ZNF860: variants seen among roughly 807,000 people sequenced by gnomAD.
The protein encoded by ZNF860 is zinc finger protein 860.
For synonymous variants in ZNF860, 206 were observed against 248.9 expected, an observed-to-expected ratio of 0.83 and a Z score of 1.62; for missense variants, 641 against 759.2, an observed-to-expected ratio of 0.84 and a Z score of 1.83.
chr3:32,001,672 C>A, the ZNF860 span, among the ~76,000 whole-genome samples: 1 of 152,016 alleles, frequency 6.6e-6, no homozygotes, highest in African/African-American at 2.4e-5. Context: ...AACTTAATTT[C>A]TACTGTTAGT....
At chr3:31,983,624 C>T (rs1387693958) in intron 1 of ZNF860, among the ~76,000 whole-genome samples, 1 of 152,182 alleles carries the variant, frequency 6.6e-6, no homozygotes, top group African/African-American at 2.4e-5. Flanking sequence ...TGATGAAGCA[C>T]ATGCTGTTCC....
the ZNF860 span, among the ~76,000 whole-genome samples, chr3:31,998,335 T>C: frequency 2.6e-5 from 4 of 152,190 alleles, no homozygotes; most frequent in Non-Finnish European, 4.4e-5. Flanking sequence ...CACTGGCGAC[T>C]CACCCTTTGA....
rs1417902996 is a variant in ZNF860, at chr3:31,991,021, A to T, written c.*43A>T. 1 of 1,507,950 alleles carries T rather than the reference A, an allele frequency of 6.6e-7. No homozygotes were observed. The highest frequency in any genetic ancestry group is 8.9e-7 in the Non-Finnish European group (1 of 1,118,568). The allele number at this position is 1,507,950 out of a possible 1,614,324, so 93.4% of individuals were successfully genotyped here. ...ACATCAGAAAATTCATTCCTGAGATAATTGTTCCAAATGCAATGAGTATAG... is the reference window on the plus strand; with the variant it reads ...ACATCAGAAAATTCATTCCTGAGATTATTGTTCCAAATGCAATGAGTATAG... On this transcript the variant is annotated 3_prime_UTR_variant, in exon 2 of 2. Transcript: ENST00000360311.
At chr3:32,002,601 G>T in the ZNF860 span, among the ~76,000 whole-genome samples, 305 of 141,974 alleles carry the variant, frequency 2.1e-3, 1 homozygote, top group African/African-American at 7.3e-3. Flanking sequence ...TTGAATCAAG[G>T]CTTCTTCTCT....
At chr3:31,995,646 C>T (rs1454372463), downstream of ZNF860, among the ~76,000 whole-genome samples, 2 of 151,994 alleles carry the variant, frequency 1.3e-5, no homozygotes, top group Non-Finnish European at 2.9e-5. Context: ...CCTCAGCTTA[C>T]GAAGATAACA....
chr3:31,996,708 A>G (rs914961376), downstream of ZNF860, among the ~76,000 whole-genome samples: 3 of 152,226 alleles, frequency 2.0e-5, no homozygotes, highest in Non-Finnish European at 4.4e-5. Context: ...GTCAATTTTT[A>G]TAGGTTGAAA....
intron 1 of ZNF860, among the ~76,000 whole-genome samples, chr3:31,984,594 T>C (rs1207108223): frequency 6.6e-6 from 1 of 152,178 alleles, no homozygotes; most frequent in Admixed American, 6.5e-5. Flanking sequence ...AGTGGTGTTA[T>C]CTATAGGAGT....
downstream of ZNF860, among the ~76,000 whole-genome samples, chr3:31,995,293 C>G (rs558840849): frequency 2.9e-3 from 448 of 152,290 alleles, 2 homozygotes; most frequent in African/African-American, 0.01. Flanking sequence ...CTTATCTCAA[C>G]CACATAGGAC....
At position 31,989,252 on chromosome 3, in the gene ZNF860, G is replaced by C; in HGVS notation, c.173G>C (p.Arg58Thr). Residue 58 changes from arginine (R) to threonine (T), a missense_variant, in exon 2 of 2, where the codon AGG becomes ACG. Arg to Thr is a moderately conservative substitution (Grantham distance 71). Coordinates refer to ENST00000360311, the MANE Select transcript of ZNF860 (RefSeq NM_001137674.3). ...LYRAMMLENYRNLHSVDISSK... is the reference protein window; with the variant it reads ...LYRAMMLENYTNLHSVDISSK... ...AGGGCCATGATGTTGGAGAACTACA[G>C]GAACCTGCATTCTGTGGATATCTCT... The C allele has an allele frequency of 1.2e-6, 2 of 1,614,178 alleles. No individual in the cohort carries two copies. Among genetic ancestry groups the C allele is most frequent in the Non-Finnish European group, 1.7e-6 (2 of 1,180,052 alleles).
chr3:31,982,344 C>T (rs556943593), intron 1 of ZNF860, among the ~76,000 whole-genome samples: 2 of 152,122 alleles, frequency 1.3e-5, no homozygotes, highest in African/African-American at 4.8e-5. Flanking sequence ...CTTTGAGGAA[C>T]TCAGACTCTC....
chr3:31,982,456 A>T (rs1698870438), intron 1 of ZNF860, among the ~76,000 whole-genome samples: 1 of 151,700 alleles, frequency 6.6e-6, no homozygotes, highest in Non-Finnish European at 1.5e-5. Flanking sequence ...TTCAAGAGTT[A>T]AAAAAAATTA....
chr3:31,998,267 G>C, the ZNF860 span, among the ~76,000 whole-genome samples: 1 of 152,128 alleles, frequency 6.6e-6, no homozygotes. Flanking sequence ...CCAGATGAAA[G>C]GGAAGAAATG....
At chr3:31,992,322 A>G (rs1333724921), downstream of ZNF860, among the ~76,000 whole-genome samples, 1 of 152,204 alleles carries the variant, frequency 6.6e-6, no homozygotes, top group African/African-American at 2.4e-5. Context: ...TATTGCTACT[A>G]TAAAATATTA....
chr3:31,997,758 C>G, the ZNF860 span, among the ~76,000 whole-genome samples: 1 of 151,956 alleles, frequency 6.6e-6, no homozygotes, highest in Non-Finnish European at 1.5e-5. Flanking sequence ...CAACTTGCCT[C>G]GCTGAGCCTC....
chr3:32,005,822 G>A, the ZNF860 span, among the ~76,000 whole-genome samples: 542 of 152,174 alleles, frequency 3.6e-3, 2 homozygotes, highest in African/African-American at 0.013. Context: ...TCCTGACCTC[G>A]TGATCCGCCC....
downstream of ZNF860, among the ~76,000 whole-genome samples, chr3:31,995,216 C>T (rs1699077958): frequency 6.6e-6 from 1 of 152,152 alleles, no homozygotes; most frequent in Admixed American, 6.5e-5. Flanking sequence ...CTCAAATTTA[C>T]CAGGCTGGGA....
chr3:31,992,580 G>T (rs905686585), downstream of ZNF860, among the ~76,000 whole-genome samples: 7 of 152,268 alleles, frequency 4.6e-5, no homozygotes, highest in South Asian at 1.0e-3. Flanking sequence ...TTCTGTCATT[G>T]CATCTCCTTC....
chr3:31,989,203 G>T lies in ZNF860; in HGVS notation c.124G>T (p.Asp42Tyr). 1.2e-6 allele frequency: 2 copies of T among 1,614,138 alleles called. No homozygotes were observed. The highest frequency in any genetic ancestry group is 1.7e-6 in the Non-Finnish European group (2 of 1,180,034). Residue 42 changes from aspartate (D) to tyrosine (Y), a missense_variant, in exon 2 of 2, where the codon GAC becomes TAC. By Grantham distance (160) the Asp-to-Tyr change is radical. Coordinates refer to ENST00000360311, the MANE Select transcript of ZNF860 (RefSeq NM_001137674.3). ...CTCTTTGGAGGAGTGGAAATGCCTG[G>T]ACCCTACGCAGAGGGCTTTATACAG... The part of the protein sequence containing the change: ...EFSLEEWKCL[D>Y]PTQRALYRAM...
In ZNF860 at chr3:31,989,964, T is replaced by C. The variant is rs1159200827; in HGVS notation, c.885T>C (p.Phe295=). 1.9e-6 allele frequency: 3 copies of C among 1,614,144 alleles called. No homozygotes were observed. The highest frequency in any genetic ancestry group is 1.1e-5 in the South Asian group (1 of 91,074). The change falls in exon 2 of 2, where the codon TTT becomes TTC. Residue 295 remains phenylalanine, a synonymous_variant. Coordinates refer to ENST00000360311, the MANE Select transcript of ZNF860 (RefSeq NM_001137674.3). ...PYKCNECGKV[F]NQQSNLASHH... is the part of the protein sequence containing the mutation. Reference sequence around the variant, plus strand: ...AGTGTAATGAATGTGGCAAGGTTTTTAATCAACAATCAAACCTTGCAAGTC... The same window carrying C: ...AGTGTAATGAATGTGGCAAGGTTTTCAATCAACAATCAAACCTTGCAAGTC...
Sources: gnomAD v4.1 joint callset for allele counts (sites outside exome capture counted in the v4.1 genomes callset) on GRCh38, gnomAD v4.1.1 for gene constraint, MANE v1.5 for transcripts, NCBI Gene and HGNC (gene_info 2026-07-23, HGNC 2026-07-21) for gene names.